Variants in PCDHA5 observed in about 807,000 individuals in gnomAD.
The protein encoded by PCDHA5 is protocadherin alpha-5.
PCDHA5 carries 43 observed loss-of-function variants against 61.6 expected under a neutral mutation model. The observed-to-expected ratio is 0.70, with a 90% CI of 0.55 to 0.90. PCDHA5 has a LOEUF of 0.90. Ranked by LOEUF, PCDHA5 falls within the 40% of genes least tolerant of loss-of-function variation. The pLI is 0.00. For synonymous variants in PCDHA5, 627 were observed against 543.9 expected (o/e 1.15, Z -2.13); for missense variants, 1,298 against 1,222.7 (o/e 1.06, Z -0.92).
chr5:140,968,927 T>C (rs1554231254), intron 1 of PCDHA5: 3 of 1,614,090 alleles, frequency 1.9e-6, no homozygotes, highest in African/African-American at 1.3e-5. Flanking sequence ...TATATTTCTT[T>C]TGACAATCAT....
intron 3 of PCDHA5, among the ~76,000 whole-genome samples, chr5:141,008,523 C>A (rs2098380908): frequency 6.6e-6 from 1 of 152,182 alleles, no homozygotes; most frequent in Admixed American, 6.5e-5. Context: ...CAATCAGACT[C>A]TTGGGAATGT....
chr5:140,823,320 G>C lies in PCDHA5; in HGVS notation c.1545G>C (p.Lys515Asn). 6.2e-7 allele frequency: 1 copy of C among 1,612,290 alleles called. No individual in the cohort carries two copies. Among genetic ancestry groups the C allele is most frequent in the Non-Finnish European group, 8.5e-7 (1 of 1,179,756 alleles). ...TTTCGGTGCACGCGGAGAGCGGCAA[G>C]GTGTACGCGCTGCAGCCGCTGGACC... ...SYVSVHAESG[K>N]VYALQPLDHE... Residue 515 changes from lysine to asparagine, a missense_variant, in exon 1 of 4, where the codon AAG becomes AAC. Coordinates refer to ENST00000529859, the MANE Select transcript of PCDHA5 (RefSeq NM_018908.3).
rs184181496 is a variant in PCDHA5 at position 140,857,350 on chromosome 5, G to A, written c.2352+33223G>A. ...CGCGGGACGGGGGCTCGCCTCCGCTGTGGGCCACGGCCAGCGTGTCTGTGG... is the reference window on the plus strand; with the variant it reads ...CGCGGGACGGGGGCTCGCCTCCGCTATGGGCCACGGCCAGCGTGTCTGTGG... On this transcript the variant is annotated intron_variant, in intron 1 of 3. Coordinates refer to ENST00000529859, the MANE Select transcript of PCDHA5 (RefSeq NM_018908.3). 5 of 1,598,502 alleles carry A rather than the reference G, an allele frequency of 3.1e-6. 1 individual carries two copies. In the Admixed American group the frequency reaches 6.7e-5, roughly 22 times the overall value.
At chr5:140,942,588 ATATAAT>A (rs1164852863) in intron 1 of PCDHA5, among the ~76,000 whole-genome samples, 1 of 149,588 alleles carries the variant, frequency 6.7e-6, no homozygotes, top group Non-Finnish European at 1.5e-5. Flanking sequence ...AGGATGTCAC[ATATAAT>A]TATAGTGTTT....
At chr5:140,965,609 G>T (rs568507618) in intron 1 of PCDHA5, among the ~76,000 whole-genome samples, 9 of 151,736 alleles carry the variant, frequency 5.9e-5, no homozygotes, top group Admixed American at 2.0e-4. Context: ...TGAAGACATT[G>T]TCATCCATTA....
chr5:140,870,552 G>A, intron 1 of PCDHA5: 2 of 1,614,042 alleles, frequency 1.2e-6, no homozygotes, highest in Non-Finnish European at 1.7e-6. Context: ...ACGCGGACGC[G>A]CAGGAGAACG....
At chr5:140,877,391 C>T (rs782042077) in intron 1 of PCDHA5, 21 of 1,613,950 alleles carry the variant, frequency 1.3e-5, no homozygotes, top group Non-Finnish European at 1.8e-5. Flanking sequence ...CTGGATGAGG[C>T]GGACGCTCCG....
chr5:140,851,102 G>C, intron 1 of PCDHA5: 1 of 1,288,626 alleles, frequency 7.8e-7, no homozygotes, highest in African/African-American at 1.5e-5. Context: ...ATATTTTTTG[G>C]GTGCTGAATC....
chr5:140,969,066 G>A (rs2096292938), intron 1 of PCDHA5: 2 of 1,614,144 alleles, frequency 1.2e-6, no homozygotes, highest in Admixed American at 3.3e-5. Context: ...ATTGATGCCA[G>A]GATACCGCAT....
chr5:140,884,060 G>C (rs781956914), intron 1 of PCDHA5: 4 of 1,613,548 alleles, frequency 2.5e-6, no homozygotes, highest in Non-Finnish European at 3.4e-6. Context: ...GCGCGCGGTG[G>C]ACGCCGATTC....
intron 1 of PCDHA5, chr5:140,864,371 G>A (rs1005201982): frequency 6.6e-5 from 10 of 152,044 alleles, no homozygotes; most frequent in South Asian, 6.2e-4. Context: ...TTCTATAATC[G>A]ATAAGTTTAT....
At chr5:140,938,699 A>G (rs1418739484) in intron 1 of PCDHA5, among the ~76,000 whole-genome samples, 4 of 152,128 alleles carry the variant, frequency 2.6e-5, no homozygotes, top group African/African-American at 4.8e-5. Context: ...TTTTAAATAT[A>G]TGTTTATGAT....
rs1282468969 is a variant in PCDHA5 at position 140,823,212 on chromosome 5, G to C, written c.1437G>C (p.Arg479=). 4.3e-6 allele frequency: 7 copies of C among 1,613,784 alleles called. No homozygotes were observed. In the East Asian group the frequency reaches 1.6e-4, roughly 36 times the overall value. The stretch of plus-strand genomic sequence containing the variant: ...GCCACATCTTCACGGTGTCTGCACG[G>C]GACGCGGACGCGCAGGAGAACGCCC... ...PGCHIFTVSA[R]DADAQENALV... is the part of the protein sequence containing the mutation. Residue 479 remains arginine (R), a synonymous_variant, in exon 1 of 4, where the codon CGG becomes CGC. Coordinates refer to ENST00000529859, the MANE Select transcript of PCDHA5 (RefSeq NM_018908.3).
At chr5:140,929,370 C>T in intron 1 of PCDHA5, 1 of 1,515,732 alleles carries the variant, frequency 6.6e-7, no homozygotes, top group Non-Finnish European at 8.8e-7. Flanking sequence ...CCGGAGATGG[C>T]TGCTAGCTGT....
chr5:140,857,815 G>A (rs782354426), intron 1 of PCDHA5: 2 of 1,597,792 alleles, frequency 1.3e-6, no homozygotes, highest in East Asian at 4.5e-5. Context: ...CGGGTCACGT[G>A]GTGGCTAAGG....
chr5:140,856,293 T>C, intron 1 of PCDHA5: 7 of 1,598,502 alleles, frequency 4.4e-6, no homozygotes, highest in Non-Finnish European at 6.0e-6. Context: ...CAGAATGGCA[T>C]TTTGTTTGTG....
intron 1 of PCDHA5, among the ~76,000 whole-genome samples, chr5:140,951,417 C>G (rs1259525145): frequency 6.6e-6 from 1 of 152,044 alleles, no homozygotes; most frequent in Non-Finnish European, 1.5e-5. Context: ...AATTGGCTCA[C>G]AGTTCCACAG....
At position 140,855,941 on chromosome 5, in the gene PCDHA5, C is replaced by G; in HGVS notation, c.2352+31814C>G. Reference sequence around the variant, plus strand: ...AGGAAGTAGCGTCATTCTGAGATCTCAGCCATTTCGATAAAAAATAGATAT... The same window carrying G: ...AGGAAGTAGCGTCATTCTGAGATCTGAGCCATTTCGATAAAAAATAGATAT... On this transcript the variant is annotated intron_variant, in intron 1 of 3. Transcript: ENST00000529859. The G allele has an allele frequency of 3.0e-6, 4 of 1,328,222 alleles. 1 individual carries two copies. The highest frequency in any genetic ancestry group is 4.1e-6 in the Non-Finnish European group (4 of 966,976). The allele number at this position is 1,328,222 out of a possible 1,614,324, so 82.3% of individuals were successfully genotyped here.
At chr5:140,836,969 C>T (rs2150271753) in intron 1 of PCDHA5, 9 of 381,928 alleles carry the variant, frequency 2.4e-5, no homozygotes, top group Non-Finnish European at 3.7e-5. Flanking sequence ...TGGCTACTCT[C>T]CATTTTTGGA....
Sources: allele counts gnomAD v4.1 joint callset (sites outside exome capture counted in the v4.1 genomes callset), GRCh38; gene constraint gnomAD v4.1.1; transcripts MANE v1.5; gene names NCBI Gene and HGNC (gene_info 2026-07-23, HGNC 2026-07-21).